Variants in NR6A1 observed in about 807,000 individuals in gnomAD.
NR6A1 encodes nuclear receptor subfamily 6 group A member 1.
A neutral mutation model predicts 59.1 loss-of-function variants in NR6A1; 7 were observed. The observed-to-expected ratio is 0.12, with a 90% CI of 0.07 to 0.22. NR6A1 has a LOEUF of 0.22. Among genes scored for constraint, NR6A1 ranks in the 10% least tolerant of loss-of-function variants. The pLI, the probability that NR6A1 is intolerant of heterozygous loss-of-function variation, is 1.00. For synonymous variants in NR6A1, 243 were observed against 236.1 expected (o/e 1.03, Z -0.27); for missense variants, 468 against 611.6 (o/e 0.77, Z 2.48).
At chr9:124,540,311 C>T (rs1342361997) in intron 4 of NR6A1, 124 bp from the exon 5 acceptor site, 1 of 1,048,956 alleles carries the variant, frequency 9.5e-7, no homozygotes, top group African/African-American at 1.6e-5. Context: ...CCTCCATCCC[C>T]ATATTCCGGG....
chr9:124,719,949 G>T (rs955741089), intron 2 of NR6A1, among the ~76,000 whole-genome samples: 1 of 152,002 alleles, frequency 6.6e-6, no homozygotes, highest in Non-Finnish European at 1.5e-5. Context: ...CCACTACTCT[G>T]TTCCAGCCAA....
intron 2 of NR6A1, among the ~76,000 whole-genome samples, chr9:124,611,774 A>AGAGAGAGAGAGAGAGAGAGAGAGAGT (rs148472095): frequency 9.5e-5 from 10 of 105,666 alleles, no homozygotes; most frequent in African/African-American, 3.3e-4. Flanking sequence ...AGAGAGAGAG[A>AGAGAGAGAGAGAGAGAGAGAGAGAGT]GAGAGAGAAT....
At chr9:124,689,614 C>T (rs1838458295) in intron 2 of NR6A1, among the ~76,000 whole-genome samples, 1 of 152,116 alleles carries the variant, frequency 6.6e-6, no homozygotes, top group African/African-American at 2.4e-5. Context: ...TGCTATTTGT[C>T]TCACATTTTA....
At chr9:124,747,693 T>C (rs1278182741) in intron 1 of NR6A1, among the ~76,000 whole-genome samples, 1 of 152,128 alleles carries the variant, frequency 6.6e-6, no homozygotes, top group African/African-American at 2.4e-5. Flanking sequence ...CCACCAACTC[T>C]CATCCCCCAA....
intron 3 of NR6A1, among the ~76,000 whole-genome samples, chr9:124,551,526 A>G (rs1480616834): frequency 6.6e-6 from 1 of 152,246 alleles, no homozygotes; most frequent in Non-Finnish European, 1.5e-5. Context: ...CCTTGAGAGA[A>G]ACAAATTTTA....
intron 7 of NR6A1, among the ~76,000 whole-genome samples, chr9:124,533,565 C>T (rs1833159704): frequency 6.6e-6 from 1 of 152,144 alleles, no homozygotes; most frequent in Non-Finnish European, 1.5e-5. Context: ...TATGCCACAA[C>T]TGGGTGGGAG....
At chr9:124,686,717 T>C (rs1448304393) in intron 2 of NR6A1, among the ~76,000 whole-genome samples, 2 of 151,928 alleles carry the variant, frequency 1.3e-5, no homozygotes, top group African/African-American at 2.4e-5. Context: ...TTTTTTTTTT[T>C]TTTTGTGACA....
intron 1 of NR6A1, among the ~76,000 whole-genome samples, chr9:124,737,738 C>A (rs1025792598): frequency 3.9e-5 from 6 of 152,108 alleles, no homozygotes; most frequent in African/African-American, 1.4e-4. Context: ...TGGCAGTGCA[C>A]ACCTGTAATA....
intron 1 of NR6A1, among the ~76,000 whole-genome samples, chr9:124,760,243 C>T (rs1398050017): frequency 6.7e-6 from 1 of 150,188 alleles, no homozygotes; most frequent in East Asian, 2.0e-4. Context: ...ACCAGGGAGG[C>T]GGAGGCTGCA....
chr9:124,747,320 G>A (rs1020898559), intron 1 of NR6A1, among the ~76,000 whole-genome samples: 12 of 150,984 alleles, frequency 7.9e-5, no homozygotes, highest in South Asian at 6.3e-4. Flanking sequence ...TCAGCCTCTC[G>A]AGTAGCTGGG....
intron 3 of NR6A1, among the ~76,000 whole-genome samples, chr9:124,553,021 C>G (rs140650567): frequency 2.0e-5 from 3 of 152,308 alleles, no homozygotes; most frequent in Admixed American, 6.5e-5. Flanking sequence ...GCTATGAACC[C>G]CTAATACCTT....
intron 2 of NR6A1, among the ~76,000 whole-genome samples, chr9:124,579,963 T>C (rs1834714911): frequency 3.3e-5 from 5 of 152,150 alleles, no homozygotes; most frequent in African/African-American, 4.8e-5. Flanking sequence ...TGAGCTGAGA[T>C]TGCACCATTG....
intron 2 of NR6A1, among the ~76,000 whole-genome samples, chr9:124,685,216 C>T (rs1838293733): frequency 6.6e-6 from 1 of 152,132 alleles, no homozygotes; most frequent in Admixed American, 6.5e-5. Flanking sequence ...AATATGAACG[C>T]TTTTGAAAAA....
At chr9:124,593,237 A>G (rs1417119806) in intron 2 of NR6A1, among the ~76,000 whole-genome samples, 1 of 152,210 alleles carries the variant, frequency 6.6e-6, no homozygotes, top group Admixed American at 6.5e-5. Context: ...AAAATAACAC[A>G]CTAGGAACAT....
intron 2 of NR6A1, among the ~76,000 whole-genome samples, chr9:124,668,178 A>G (rs978337089): frequency 1.1e-4 from 17 of 152,216 alleles, no homozygotes; most frequent in Non-Finnish European, 2.9e-5. Context: ...GAGAAAAGAA[A>G]ATGTTATTAA....
Position 124,540,021 on chromosome 9 carries a change from C to A in NR6A1, c.596+12G>T. Reference sequence around the variant, plus strand: ...CCCTAGATGATGACCATGGGTTTGCCTTAAAGCTCACCTGGAAGACAGTGT... The same window carrying A: ...CCCTAGATGATGACCATGGGTTTGCATTAAAGCTCACCTGGAAGACAGTGT... On this transcript the variant is annotated intron_variant, in intron 5 of 9. Transcript: ENST00000487099. The A allele has an allele frequency of 6.3e-7, 1 of 1,575,172 alleles. No individual in the cohort carries two copies. The highest frequency in any genetic ancestry group is 8.5e-7 in the Non-Finnish European group (1 of 1,170,278).
chr9:124,707,755 T>G (rs1440403717), intron 2 of NR6A1, among the ~76,000 whole-genome samples: 2 of 152,100 alleles, frequency 1.3e-5, no homozygotes, highest in African/African-American at 4.8e-5. Context: ...GCTCCGGTTT[T>G]TCCCCCCACC....
intron 2 of NR6A1, among the ~76,000 whole-genome samples, chr9:124,644,635 T>C (rs948218646): frequency 2.0e-5 from 3 of 152,180 alleles, no homozygotes; most frequent in East Asian, 3.8e-4. Flanking sequence ...TCCAAACTGA[T>C]AGTGTCTAAA....
At chr9:124,659,332 G>A (rs1837358005) in intron 2 of NR6A1, among the ~76,000 whole-genome samples, 1 of 152,182 alleles carries the variant, frequency 6.6e-6, no homozygotes, top group Admixed American at 6.5e-5. Context: ...TCATGCGTGC[G>A]ATCGTGACTA....
Sources: gnomAD v4.1 joint callset for allele counts (sites outside exome capture counted in the v4.1 genomes callset) on GRCh38, gnomAD v4.1.1 for gene constraint, MANE v1.5 for transcripts, NCBI Gene and HGNC (gene_info 2026-07-23, HGNC 2026-07-21) for gene names.